EPG5: variants seen among roughly 807,000 people sequenced by gnomAD.
The protein encoded by EPG5 is ectopic P-granules 5 autophagy tethering factor.
EPG5 carries 159 observed loss-of-function variants against 302.7 expected under a neutral mutation model. The observed-to-expected ratio is 0.53, with a 90% CI of 0.46 to 0.60. The LOEUF (loss-of-function observed/expected upper bound fraction) is 0.60, where lower values mean the gene tolerates loss of function less well. Among genes scored for constraint, EPG5 ranks in the 20% least tolerant of loss-of-function variants. The probability of loss-of-function intolerance (pLI) is 0.00; values close to 1 mark genes in which losing one functional copy is unlikely to be tolerated. For missense variants in EPG5, 2,896 were observed against 3,092.4 expected, an observed-to-expected ratio of 0.94 and a Z score of 1.51; for synonymous variants, 1,158 against 1,136.8, an observed-to-expected ratio of 1.02 and a Z score of -0.37.
In EPG5 at chr18:45,878,574, A is replaced by C. The variant is rs148960004; in HGVS notation, c.5870-126T>G. On this transcript the variant is annotated intron_variant, in intron 33 of 43. Coordinates refer to ENST00000282041, the MANE Select transcript of EPG5 (RefSeq NM_020964.3). ...CATAAACCTATGTTAATGTATAAAC[A>C]ACATGCTTAGTGTAACTATGTATGT... 69 of 642,096 alleles carry C rather than the reference A, an allele frequency of 1.1e-4. No individual in the cohort carries two copies. The East Asian group carries it at 1.8e-3, about 17-fold the overall frequency. 39.8% of individuals were successfully genotyped at this position (642,096 alleles called of 1,614,324 possible). A position where few individuals can be genotyped will look rare whatever the true frequency, so the allele number is the denominator to read the frequency against.
the EPG5 span, among the ~76,000 whole-genome samples, chr18:45,831,207 G>T: frequency 6.6e-6 from 1 of 152,182 alleles, no homozygotes; most frequent in Admixed American, 6.5e-5. Flanking sequence ...GTGTCCACCT[G>T]CTACACTCGC....
At chr18:45,824,933 C>A in the EPG5 span, among the ~76,000 whole-genome samples, 1 of 151,832 alleles carries the variant, frequency 6.6e-6, no homozygotes, top group Admixed American at 6.6e-5. Flanking sequence ...GTTAGAGAGA[C>A]TAGGAAGACC....
At chr18:45,905,041 T>C (rs1031340405) in intron 24 of EPG5, among the ~76,000 whole-genome samples, 2 of 152,170 alleles carry the variant, frequency 1.3e-5, no homozygotes, top group East Asian at 3.9e-4. Flanking sequence ...TTTTTCATAA[T>C]AACAGGTGTC....
rs1463848655 is a variant in EPG5 at position 45,889,963 on chromosome 18, A to C, written c.4810-23T>G. ...AAACTAACAAAAATTAAAGTTATCA[A>C]AAGACATTTCCCCCCATGTGTCAGG... On this transcript the variant is annotated intron_variant, in intron 27 of 43. Transcript: ENST00000282041. 6 of 1,546,980 alleles carry C rather than the reference A, an allele frequency of 3.9e-6. No homozygotes were observed. The African/African-American group carries it at 6.8e-5, about 18-fold the overall frequency.
chr18:45,928,732 C>G (rs1280647539), intron 13 of EPG5, 137 bp downstream of exon 13: 9 of 702,090 alleles, frequency 1.3e-5, no homozygotes, highest in African/African-American at 1.8e-5. Flanking sequence ...CAGAGGCTGG[C>G]ACAGTAAATG....
At chr18:45,943,582 C>G (rs967019640) in intron 8 of EPG5, among the ~76,000 whole-genome samples, 2 of 152,096 alleles carry the variant, frequency 1.3e-5, no homozygotes, top group African/African-American at 2.4e-5. Flanking sequence ...ACAAGAGGAG[C>G]CTAGAACAGC....
At chr18:45,841,231 G>A in the EPG5 span, 1 of 153,122 alleles carries the variant, frequency 6.5e-6, no homozygotes, top group East Asian at 1.9e-4. Flanking sequence ...GAGGGGACCT[G>A]AGGATGGAGG....
At chr18:45,819,550 T>C in the EPG5 span, among the ~76,000 whole-genome samples, 1 of 152,144 alleles carries the variant, frequency 6.6e-6, no homozygotes, top group East Asian at 1.9e-4. Flanking sequence ...TATATAGATA[T>C]CTAAATTATA....
chr18:45,894,973 G>C (rs980539618), intron 27 of EPG5, among the ~76,000 whole-genome samples: 4 of 152,174 alleles, frequency 2.6e-5, no homozygotes, highest in Non-Finnish European at 5.9e-5. Flanking sequence ...TAGGCAGGGA[G>C]AGAGATATGG....
At chr18:45,964,595 C>A (rs2051210144) in intron 1 of EPG5, among the ~76,000 whole-genome samples, 1 of 151,968 alleles carries the variant, frequency 6.6e-6, no homozygotes, top group Non-Finnish European at 1.5e-5. Flanking sequence ...TTATGCATAG[C>A]TGGCCAATGG....
At chr18:45,833,390 C>T in the EPG5 span, among the ~76,000 whole-genome samples, 1 of 152,170 alleles carries the variant, frequency 6.6e-6, no homozygotes, top group African/African-American at 2.4e-5. Flanking sequence ...AGTCTCAGCT[C>T]ACTGCAACCT....
the EPG5 span, chr18:45,840,298 C>T: frequency 1.9e-6 from 3 of 1,553,454 alleles, no homozygotes; most frequent in Non-Finnish European, 1.8e-6. Flanking sequence ...TCCTCATCAC[C>T]CAGGGGGTCC....
chr18:45,817,229 G>A, the EPG5 span, among the ~76,000 whole-genome samples: 2 of 152,090 alleles, frequency 1.3e-5, no homozygotes, highest in African/African-American at 2.4e-5. Context: ...ACCTACTCAT[G>A]TAACCAAACA....
At chr18:45,963,209 T>C (rs1164009470) in intron 1 of EPG5, among the ~76,000 whole-genome samples, 1 of 152,104 alleles carries the variant, frequency 6.6e-6, no homozygotes, top group Non-Finnish European at 1.5e-5. Context: ...CAGAGTGCTA[T>C]TGGAGAGGCA....
chr18:45,804,260 C>T, the EPG5 span, among the ~76,000 whole-genome samples: 104,884 of 151,932 alleles, frequency 0.69, 36,652 homozygotes, highest in East Asian at 0.92. Flanking sequence ...ATCTGAAAGA[C>T]AGAGATAAAA....
chr18:45,917,592 ATTTTAC>A, intron 17 of EPG5, 81 bp downstream of exon 17: 4 of 1,519,638 alleles, frequency 2.6e-6, no homozygotes, highest in Non-Finnish European at 3.6e-6. Context: ...CATTCCCTTT[ATTTTAC>A]TTAAGAAACC....
intron 11 of EPG5, among the ~76,000 whole-genome samples, chr18:45,931,598 C>T (rs1403607402): frequency 6.6e-6 from 1 of 152,108 alleles, no homozygotes; most frequent in African/African-American, 2.4e-5. Flanking sequence ...CTTTCAGAGG[C>T]CAAAGATGGG....
At chr18:45,820,121 G>GA in the EPG5 span, among the ~76,000 whole-genome samples, 1 of 152,078 alleles carries the variant, frequency 6.6e-6, no homozygotes, top group Non-Finnish European at 1.5e-5. Flanking sequence ...AGGGTAGAGG[G>GA]AAAAAACAGC....
chr18:45,946,793 C>T (rs2050792063), intron 6 of EPG5, 25 bp from the exon 7 acceptor site: 2 of 1,591,450 alleles, frequency 1.3e-6, no homozygotes, highest in East Asian at 2.2e-5. Flanking sequence ...TAATCACTCC[C>T]ATCACTTAGA....
Sources: gnomAD v4.1 joint callset for allele counts (sites outside exome capture counted in the v4.1 genomes callset) on GRCh38, gnomAD v4.1.1 for gene constraint, MANE v1.5 for transcripts, NCBI Gene and HGNC (gene_info 2026-07-23, HGNC 2026-07-21) for gene names.